Variants in KDM5A observed in about 807,000 individuals in gnomAD.
The protein encoded by KDM5A is lysine-specific demethylase 5A.
Under a neutral mutation model 193.5 loss-of-function variants are expected in KDM5A, and 42 were observed. The observed-to-expected ratio is 0.22, with a 90% CI of 0.17 to 0.28. The LOEUF (loss-of-function observed/expected upper bound fraction) is 0.28. Among genes scored for constraint, KDM5A ranks in the 10% least tolerant of loss-of-function variants. The probability of loss-of-function intolerance (pLI) is 1.00; values close to 1 mark genes in which losing one functional copy is unlikely to be tolerated. For synonymous variants in KDM5A, 796 were observed against 718.1 expected (o/e 1.11, Z -1.73); for missense variants, 1,692 against 2,055.1 (o/e 0.82, Z 3.42).
chr12:359,202 T>C (rs1944263808), intron 5 of KDM5A, among the ~76,000 whole-genome samples: 2 of 152,222 alleles, frequency 1.3e-5, no homozygotes, highest in African/African-American at 2.4e-5. Context: ...GAATGCAAAA[T>C]ATCAAGTCAT....
At chr12:384,741 G>A (rs1944618814) in intron 2 of KDM5A, among the ~76,000 whole-genome samples, 1 of 152,196 alleles carries the variant, frequency 6.6e-6, no homozygotes, top group Admixed American at 6.5e-5. Flanking sequence ...ACTCTATGCT[G>A]ATCAGAAAAT....
At chr12:287,291 T>G (rs755880980) in intron 27 of KDM5A, among the ~76,000 whole-genome samples, 16 of 152,152 alleles carry the variant, frequency 1.1e-4, no homozygotes, top group Admixed American at 3.3e-4. Context: ...GAAGCTTACA[T>G]TTTTAATCAG....
rs2229350 is a variant in KDM5A, at chr12:310,906, A to G, written c.3195T>C (p.Asn1065=). The G allele has an allele frequency of 3.8e-5, 62 of 1,614,206 alleles. 1 individual carries two copies. The Middle Eastern group carries it at 4.9e-4, about 13-fold the overall frequency. Residue 1065 remains asparagine (N), a synonymous_variant, in exon 21 of 28, where the codon AAT becomes AAC. Transcript: ENST00000399788. ...GTACCTGTAACAATGTATGGCTAGA[A>G]TTCTTCTTAAGAAACGTCCGCCCAG... The part of the protein sequence containing the change: ...ERTGRTFLKK[N]SSHTLLQVLS...
At position 303,350 on chromosome 12, in the gene KDM5A, G is replaced by A. The variant is rs537375046; in HGVS notation, c.4074+3596C>T. Among the ~76,000 whole-genome samples the A allele has an allele frequency of 7.9e-5, 12 of 152,240 alleles. No homozygotes were observed. The South Asian group carries it at 1.7e-3, about 21-fold the overall frequency. ...CGTAGCCATAAAAAAAGATGAGTTCGTGTCCTTTGCAGAGACATGGATGAA... is the reference window on the plus strand; with the variant it reads ...CGTAGCCATAAAAAAAGATGAGTTCATGTCCTTTGCAGAGACATGGATGAA... On this transcript the variant is annotated intron_variant, in intron 24 of 27. Coordinates refer to ENST00000399788, the MANE Select transcript of KDM5A (RefSeq NM_001042603.3).
chr12:372,773 CCT>C (rs1944446302), intron 3 of KDM5A, among the ~76,000 whole-genome samples: 1 of 152,132 alleles, frequency 6.6e-6, no homozygotes. Flanking sequence ...CCCATCAATA[CCT>C]AATTTATTGA....
At chr12:300,773 T>C (rs544936871) in intron 24 of KDM5A, among the ~76,000 whole-genome samples, 8 of 152,094 alleles carry the variant, frequency 5.3e-5, no homozygotes, top group Middle Eastern at 3.4e-3. Context: ...ACAAAATAGA[T>C]AGACCGCTAG....
intron 2 of KDM5A, among the ~76,000 whole-genome samples, chr12:384,956 A>G (rs868328357): frequency 1.3e-5 from 2 of 152,254 alleles, no homozygotes; most frequent in Middle Eastern, 6.8e-3. Context: ...TTGGGAGGCC[A>G]AGGCGGGCAG....
chr12:288,530 TTAA>T (rs1353726059), intron 27 of KDM5A, among the ~76,000 whole-genome samples: 13 of 152,212 alleles, frequency 8.5e-5, no homozygotes, highest in East Asian at 7.7e-4. Flanking sequence ...ATATTCACAC[TTAA>T]TAAAAAATAT....
chr12:318,675 A>C (rs1447832115), intron 18 of KDM5A, among the ~76,000 whole-genome samples: 2 of 152,224 alleles, frequency 1.3e-5, no homozygotes, highest in Non-Finnish European at 2.9e-5. Context: ...TAGTTGATTC[A>C]TTCAATAAAT....
intron 6 of KDM5A, among the ~76,000 whole-genome samples, chr12:356,052 T>A (rs907412733): frequency 6.6e-6 from 1 of 152,208 alleles, no homozygotes; most frequent in African/African-American, 2.4e-5. Flanking sequence ...AAATTATGGT[T>A]AGAATTTTAA....
intron 13 of KDM5A, among the ~76,000 whole-genome samples, chr12:330,054 A>AGT (rs148451707): frequency 0.04 from 5,633 of 142,296 alleles, 325 homozygotes; most frequent in African/African-American, 0.13. Context: ...CAAAGGAAAA[A>AGT]GTGTGTGTGT....
At chr12:356,375 T>A in intron 6 of KDM5A, 57 bp downstream of exon 6, 2 of 1,103,356 alleles carry the variant, frequency 1.8e-6, no homozygotes, top group Non-Finnish European at 2.8e-6. Flanking sequence ...ATCATTTGAG[T>A]TTTTTTACAA....
chr12:350,564 T>A, intron 10 of KDM5A, 57 bp downstream of exon 10: 1 of 1,566,318 alleles, frequency 6.4e-7, no homozygotes, highest in South Asian at 1.1e-5. Context: ...TAAGATAGTT[T>A]TCAATGCAAA....
chr12:332,113 A>T (rs1030152177), intron 12 of KDM5A, among the ~76,000 whole-genome samples, 175 bp from the exon 13 acceptor site: 1 of 152,368 alleles, frequency 6.6e-6, no homozygotes, highest in Non-Finnish European at 1.5e-5. Flanking sequence ...ACCTTCTTAA[A>T]ATAGTCACTG....
intron 3 of KDM5A, among the ~76,000 whole-genome samples, chr12:375,606 C>T (rs145879352): frequency 0.035 from 5,392 of 152,294 alleles, 160 homozygotes; most frequent in Non-Finnish European, 0.053. Flanking sequence ...AGCTTTGTTC[C>T]GTTGCTGGCG....
intron 27 of KDM5A, chr12:286,278 G>A: frequency 4.4e-6 from 2 of 452,230 alleles, no homozygotes; most frequent in Middle Eastern, 3.5e-4. Context: ...AAAGACACAG[G>A]TCAATAGATC....
intron 27 of KDM5A, among the ~76,000 whole-genome samples, chr12:289,518 C>T (rs757309526): frequency 6.6e-6 from 1 of 151,850 alleles, no homozygotes; most frequent in Non-Finnish European, 1.5e-5. Flanking sequence ...ATTTAACTAG[C>T]CTCATTTAAT....
intron 20 of KDM5A, 31 bp from the exon 21 acceptor site, chr12:311,095 G>T (rs755321758): frequency 6.2e-7 from 1 of 1,610,854 alleles, no homozygotes. Flanking sequence ...CTCACAATTT[G>T]AGTTCTCTTA....
At chr12:347,825 G>A (rs372644502) in intron 10 of KDM5A, among the ~76,000 whole-genome samples, 2,668 of 152,258 alleles carry the variant, frequency 0.018, 106 homozygotes, top group South Asian at 0.16. Flanking sequence ...AGAAAACCTA[G>A]GCAATACCAT....
Sources: gnomAD v4.1 joint callset for allele counts (sites outside exome capture counted in the v4.1 genomes callset) on GRCh38, gnomAD v4.1.1 for gene constraint, MANE v1.5 for transcripts, NCBI Gene and HGNC (gene_info 2026-07-23, HGNC 2026-07-21) for gene names.